The following GRM5 variants were observed in gnomAD, a reference collection of about 807,000 sequenced individuals.
GRM5 encodes glutamate metabotropic receptor 5.
A neutral mutation model predicts 83.1 loss-of-function variants in GRM5; 19 were observed. The ratio of observed to expected loss-of-function variants is 0.23; its 90% CI spans 0.16 to 0.34. The LOEUF is 0.34. GRM5 is among the 10% of genes least tolerant of loss of function. The pLI, the probability that GRM5 is intolerant of heterozygous loss-of-function variation, is 1.00. For missense variants in GRM5, 1,160 were observed against 1,588.3 expected (o/e 0.73, Z 4.58); for synonymous variants, 675 against 633.6 (o/e 1.07, Z -0.98).
At chr11:88,831,460 C>T (rs1245766485) in intron 3 of GRM5, among the ~76,000 whole-genome samples, 1 of 152,210 alleles carries the variant, frequency 6.6e-6, no homozygotes, top group Non-Finnish European at 1.5e-5. Flanking sequence ...GCCTCCCTAA[C>T]CAAGCATTCT....
intron 3 of GRM5, among the ~76,000 whole-genome samples, chr11:88,721,955 G>A (rs2135396358): frequency 6.6e-6 from 1 of 152,268 alleles, no homozygotes; most frequent in Admixed American, 6.5e-5. Flanking sequence ...ACAGACTGGG[G>A]ATGTAAGGTG....
At chr11:88,644,422 A>T (rs1379701615) in intron 4 of GRM5, among the ~76,000 whole-genome samples, 2 of 152,216 alleles carry the variant, frequency 1.3e-5, no homozygotes, top group East Asian at 3.8e-4. Flanking sequence ...GAAAACAGAG[A>T]TGATAAAGAT....
At chr11:88,629,534 A>G (rs1326566676) in intron 4 of GRM5, among the ~76,000 whole-genome samples, 2 of 152,122 alleles carry the variant, frequency 1.3e-5, no homozygotes, top group African/African-American at 4.8e-5. Flanking sequence ...ATCACGGACA[A>G]ATAGAAAACC....
In GRM5 at chr11:88,555,018, G is replaced by A. The variant is rs190396766; in HGVS notation, c.2630+12035C>T. On this transcript the variant is annotated intron_variant, in intron 8 of 9. Coordinates refer to ENST00000305447, the MANE Select transcript of GRM5 (RefSeq NM_001143831.3). The stretch of plus-strand genomic sequence containing the variant: ...GACATATCCTCTTGAAAGCTTACCA[G>A]TCATGGTACTGTGGAAAGAACATGC... Among the ~76,000 whole-genome samples the A allele has an allele frequency of 6.5e-4, 99 of 152,246 alleles. 1 individual carries two copies. The highest frequency in any genetic ancestry group is 3.4e-3 in the Middle Eastern group (1 of 294).
rs1041445890 is a variant in GRM5, at chr11:88,505,269, A to G, written c.*3323T>C. 6.6e-6 allele frequency: 1 copy of G among 152,200 alleles called. No individual in the cohort carries two copies. Among genetic ancestry groups the G allele is most frequent in the African/African-American group, 2.4e-5 (1 of 41,450 alleles). 9.4% of individuals were successfully genotyped at this position (152,200 alleles called of 1,614,324 possible). A position where few individuals can be genotyped will look rare whatever the true frequency, so the allele number is the denominator to read the frequency against. Reference sequence around the variant, plus strand: ...GTTGCTAAATGTGAACTCACATAATACCTTTGAAGTCTCCAAAACATGTAC... The same window carrying G: ...GTTGCTAAATGTGAACTCACATAATGCCTTTGAAGTCTCCAAAACATGTAC... On this transcript the variant is annotated 3_prime_UTR_variant, in exon 10 of 10. Coordinates refer to ENST00000305447, the MANE Select transcript of GRM5 (RefSeq NM_001143831.3).
intron 2 of GRM5, among the ~76,000 whole-genome samples, chr11:88,961,323 A>C (rs1343516194): frequency 1.3e-5 from 2 of 152,066 alleles, no homozygotes; most frequent in East Asian, 3.9e-4. Context: ...TTTTGTCAAA[A>C]TAACTCAGCC....
Position 88,509,231 on chromosome 11 carries a change from C to T in GRM5, c.3000G>A (p.Leu1000=). Residue 1000 remains leucine (L), a synonymous_variant, in exon 10 of 10, where the codon CTG becomes CTA. Transcript: ENST00000305447. ...GCTCCTCAGCCTCGGCCACATCATA[C>T]AGCGCCTTGGGGCCGGCGTCTGGGG... ...PESPDAGPKA[L]YDVAEAEEHF... 1.3e-6 allele frequency: 2 copies of T among 1,510,960 alleles called. No individual in the cohort carries two copies. The highest frequency in any genetic ancestry group is 1.8e-6 in the Non-Finnish European group (2 of 1,132,270). The allele number at this position is 1,510,960 out of a possible 1,614,324, so 93.6% of individuals were successfully genotyped here. A position where few individuals can be genotyped will look rare whatever the true frequency, so the allele number is the denominator to read the frequency against.
At chr11:89,036,493 G>C (rs958917263) in intron 2 of GRM5, among the ~76,000 whole-genome samples, 3 of 152,038 alleles carry the variant, frequency 2.0e-5, no homozygotes, top group African/African-American at 7.2e-5. Context: ...GGAAAATTTA[G>C]AAGATACTTA....
chr11:88,883,876 G>GAGGTT (rs1341452970), intron 2 of GRM5, among the ~76,000 whole-genome samples: 1 of 152,160 alleles, frequency 6.6e-6, no homozygotes, highest in Admixed American at 6.5e-5. Context: ...GTCAAGAATT[G>GAGGTT]AGGTTTGGAA....
At position 88,894,768 on chromosome 11, in the gene GRM5, A is replaced by G. The variant is rs1382691743; in HGVS notation, c.662-44613T>C. Among the ~76,000 whole-genome samples, 5 of 152,104 alleles carry G rather than the reference A, an allele frequency of 3.3e-5. No individual in the cohort carries two copies. The East Asian group carries it at 7.7e-4, about 24-fold the overall frequency. ...TTGGGGACAATATTAGGTAATGAAG[A>G]CAGAATCCTTATGAATGAATTAGTA... On this transcript the variant is annotated intron_variant, in intron 2 of 9. Transcript: ENST00000305447.
intron 3 of GRM5, among the ~76,000 whole-genome samples, chr11:88,752,173 G>T (rs913932570): frequency 1.3e-5 from 2 of 152,176 alleles, no homozygotes; most frequent in African/African-American, 4.8e-5. Context: ...ATCTTTGTTT[G>T]CAGATGATGT....
intron 2 of GRM5, among the ~76,000 whole-genome samples, chr11:88,932,897 C>T (rs1295454516): frequency 2.0e-5 from 3 of 151,868 alleles, no homozygotes; most frequent in Non-Finnish European, 4.4e-5. Flanking sequence ...CATTAAAGAC[C>T]GCCTAAACTG....
intron 2 of GRM5, among the ~76,000 whole-genome samples, chr11:88,948,814 A>G (rs1213641785): frequency 6.6e-6 from 1 of 152,260 alleles, no homozygotes; most frequent in Admixed American, 6.5e-5. Context: ...ATGCACAATA[A>G]AAGGATAAGA....
chr11:89,044,434 C>G (rs1338768983), intron 2 of GRM5, among the ~76,000 whole-genome samples: 1 of 152,122 alleles, frequency 6.6e-6, no homozygotes, highest in African/African-American at 2.4e-5. Context: ...AGATTAACAT[C>G]GAAGCTGAAA....
At chr11:88,532,348 AAG>A (rs1382671405) in intron 8 of GRM5, among the ~76,000 whole-genome samples, 1 of 152,208 alleles carries the variant, frequency 6.6e-6, no homozygotes, top group Non-Finnish European at 1.5e-5. Flanking sequence ...ATGGGAGGAA[AAG>A]AGTCTTTTTG....
In GRM5 at chr11:88,599,135, A is replaced by G. The variant is rs971891064; in HGVS notation, c.1395-1783T>C. ...ATATTGTAAAAATTTGAACCAATTTATATTGTAAGGCTTTTATCTCTATAT... is the reference window on the plus strand; with the variant it reads ...ATATTGTAAAAATTTGAACCAATTTGTATTGTAAGGCTTTTATCTCTATAT... On this transcript the variant is annotated intron_variant, in intron 5 of 9. Coordinates refer to ENST00000305447, the MANE Select transcript of GRM5 (RefSeq NM_001143831.3). Among the ~76,000 whole-genome samples, 22 of 152,224 alleles carry G rather than the reference A, an allele frequency of 1.4e-4. 1 individual carries two copies. Among genetic ancestry groups the G allele is most frequent in the African/African-American group, 5.1e-4 (21 of 41,462 alleles).
intron 3 of GRM5, among the ~76,000 whole-genome samples, chr11:88,840,252 A>T (rs1205490898): frequency 6.6e-6 from 1 of 152,178 alleles, no homozygotes; most frequent in African/African-American, 2.4e-5. Context: ...ATCATGTCAT[A>T]AAAGAAGTCA....
At chr11:88,979,000 A>G (rs1031304787) in intron 2 of GRM5, among the ~76,000 whole-genome samples, 1 of 152,212 alleles carries the variant, frequency 6.6e-6, no homozygotes, top group African/African-American at 2.4e-5. Flanking sequence ...TACACCTCCT[A>G]CCGTCTTTAA....
chr11:88,886,027 TC>T (rs1461633388), intron 2 of GRM5, among the ~76,000 whole-genome samples: 2 of 152,188 alleles, frequency 1.3e-5, no homozygotes, highest in Non-Finnish European at 2.9e-5. Context: ...TTCTCTGCAC[TC>T]TATGTAAACA....
Sources: gnomAD v4.1 joint callset for allele counts (sites outside exome capture counted in the v4.1 genomes callset) on GRCh38, gnomAD v4.1.1 for gene constraint, MANE v1.5 for transcripts, NCBI Gene and HGNC (gene_info 2026-07-23, HGNC 2026-07-21) for gene names.